KDM3B: variants seen among roughly 807,000 people sequenced by gnomAD.
The protein encoded by KDM3B is lysine-specific demethylase 3B.
A neutral mutation model predicts 170.0 loss-of-function variants in KDM3B; 10 were observed. That is an observed-to-expected ratio of 0.06 (90% CI 0.04 to 0.10). KDM3B has a LOEUF of 0.10. Among genes scored for constraint, KDM3B ranks in the 10% least tolerant of loss-of-function variants. The pLI, the probability that KDM3B is intolerant of heterozygous loss-of-function variation, is 1.00. For missense variants in KDM3B, 1,394 were observed against 2,195.2 expected (o/e 0.64, Z 7.29); for synonymous variants, 831 against 834.8 (o/e 1.00, Z 0.08).
At chr5:138,388,123 G>GT (rs1186770773) in intron 7 of KDM3B, among the ~76,000 whole-genome samples, 4 of 152,208 alleles carry the variant, frequency 2.6e-5, no homozygotes, top group Admixed American at 6.5e-5. Context: ...GTCAAAGGCA[G>GT]TGTGAATGTA....
At chr5:138,405,164 C>T (rs561241350) in intron 11 of KDM3B, among the ~76,000 whole-genome samples, 113 of 152,076 alleles carry the variant, frequency 7.4e-4, no homozygotes, top group Non-Finnish European at 1.3e-3. Flanking sequence ...CTGCCTCAGC[C>T]TCCCAAGTAG....
chr5:138,415,037 G>A (rs1481616807), intron 11 of KDM3B, 95 bp from the exon 12 acceptor site: 1 of 689,544 alleles, frequency 1.5e-6, no homozygotes, highest in Non-Finnish European at 2.5e-6. Flanking sequence ...CTTCAGCCAT[G>A]AGAAAATTGG....
chr5:138,429,250 C>T (rs1763472897), intron 20 of KDM3B, among the ~76,000 whole-genome samples: 1 of 152,132 alleles, frequency 6.6e-6, no homozygotes, highest in South Asian at 2.1e-4. Context: ...TGGGGTGTCA[C>T]CATGTTGGCC....
chr5:138,393,857 G>C (rs559368249), intron 9 of KDM3B, among the ~76,000 whole-genome samples: 3 of 152,142 alleles, frequency 2.0e-5, no homozygotes, highest in African/African-American at 7.2e-5. Flanking sequence ...TATCTCTTTA[G>C]TTACTTTTCT....
chr5:138,426,881 GAAAA>G (rs59368427), intron 17 of KDM3B, 90 bp from the exon 18 acceptor site: 86,543 of 709,380 alleles, frequency 0.12, 4,469 homozygotes, highest in Middle Eastern at 0.15. Context: ...AAAAAAAAAA[GAAAA>G]AAAAGAGATT....
At chr5:138,383,938 A>C (rs1393370366) in intron 6 of KDM3B, among the ~76,000 whole-genome samples, 1 of 151,820 alleles carries the variant, frequency 6.6e-6, no homozygotes, top group Non-Finnish European at 1.5e-5. Flanking sequence ...TGGCAAGAGC[A>C]AAACTCCGTC....
In KDM3B at chr5:138,367,768, G is replaced by A. The variant is rs536163655; in HGVS notation, c.193-4906G>A. ...GATGGCTCACCCCTGTAATCCCAGC[G>A]CTTTGGGAGGCCGAGGCAGGTGGAT... On this transcript the variant is annotated intron_variant, in intron 1 of 23. Coordinates refer to ENST00000314358, the MANE Select transcript of KDM3B (RefSeq NM_016604.4). Among the ~76,000 whole-genome samples the A allele has an allele frequency of 7.8e-4, 119 of 152,096 alleles. 2 individuals are homozygous for A. The South Asian group carries it at 0.013, about 16-fold the overall frequency.
chr5:138,397,557 C>CGG (rs1195522551), intron 9 of KDM3B, among the ~76,000 whole-genome samples: 1 of 151,216 alleles, frequency 6.6e-6, no homozygotes, highest in Non-Finnish European at 1.5e-5. Context: ...CTGTGTTAGC[C>CGG]GGGAGTGGTG....
intron 9 of KDM3B, among the ~76,000 whole-genome samples, chr5:138,396,171 C>T (rs568877239): frequency 5.9e-5 from 9 of 152,142 alleles, no homozygotes; most frequent in African/African-American, 1.9e-4. Context: ...TCTTGGCTCA[C>T]TGCAATCTCC....
chr5:138,417,712 C>T, intron 13 of KDM3B, 102 bp downstream of exon 13: 1 of 1,256,228 alleles, frequency 8.0e-7, no homozygotes, highest in Non-Finnish European at 1.1e-6. Context: ...TGTAGGATTC[C>T]TGAGGAATCA....
chr5:138,372,584 T>C (rs1761900848), intron 1 of KDM3B, 90 bp from the exon 2 acceptor site: 1 of 1,064,126 alleles, frequency 9.4e-7, no homozygotes, highest in Non-Finnish European at 1.4e-6. Context: ...CCTAGTCAGT[T>C]GTTCAAAACA....
intron 13 of KDM3B, among the ~76,000 whole-genome samples, chr5:138,418,688 C>T (rs1397469244): frequency 6.6e-6 from 1 of 152,180 alleles, no homozygotes; most frequent in African/African-American, 2.4e-5. Flanking sequence ...TACCAATTCA[C>T]CATTGCAGAA....
chr5:138,428,438 T>C (rs1181973752), intron 20 of KDM3B, among the ~76,000 whole-genome samples: 2 of 152,186 alleles, frequency 1.3e-5, no homozygotes, highest in Admixed American at 1.3e-4. Flanking sequence ...CTCAAACTCC[T>C]GACCTCAGGT....
intron 6 of KDM3B, among the ~76,000 whole-genome samples, chr5:138,381,992 A>T (rs17460017): frequency 0.14 from 21,612 of 150,904 alleles, 1,826 homozygotes; most frequent in South Asian, 0.25. Flanking sequence ...GGTGGCAGTG[A>T]GCTCCAACGG....
chr5:138,429,176 C>T (rs1763471249), intron 20 of KDM3B, among the ~76,000 whole-genome samples: 3 of 151,994 alleles, frequency 2.0e-5, no homozygotes, highest in African/African-American at 7.3e-5. Context: ...CTCAGCCTCC[C>T]AAGTAGCTGG....
At chr5:138,358,306 C>CTTTT (rs71306181) in intron 1 of KDM3B, among the ~76,000 whole-genome samples, 2 of 108,270 alleles carry the variant, frequency 1.8e-5, no homozygotes, top group African/African-American at 7.3e-5. Context: ...TTCTTTCTTT[C>CTTTT]TTTTTTTTTT....
chr5:138,433,204 T>G, intron 23 of KDM3B, among the ~76,000 whole-genome samples: 1 of 151,750 alleles, frequency 6.6e-6, no homozygotes, highest in Non-Finnish European at 1.5e-5. Flanking sequence ...CTCCACCATC[T>G]GGGTTCAAGC....
chr5:138,390,884 G>A, intron 7 of KDM3B, 129 bp from the exon 8 acceptor site: 1 of 821,406 alleles, frequency 1.2e-6, no homozygotes, highest in Non-Finnish European at 1.9e-6. Context: ...GCAGATCCAT[G>A]GAATTGTAAA....
intron 10 of KDM3B, among the ~76,000 whole-genome samples, chr5:138,399,282 G>A (rs1232277078): frequency 6.6e-6 from 1 of 151,836 alleles, no homozygotes; most frequent in Non-Finnish European, 1.5e-5. Context: ...GCTCATGCCT[G>A]TAATCCCAGC....
Sources: gnomAD v4.1 joint callset for allele counts (sites outside exome capture counted in the v4.1 genomes callset) on GRCh38, gnomAD v4.1.1 for gene constraint, MANE v1.5 for transcripts, NCBI Gene and HGNC (gene_info 2026-07-23, HGNC 2026-07-21) for gene names.